Variants in HS6ST2 observed in about 807,000 individuals in gnomAD.
HS6ST2 encodes the protein heparan-sulfate 6-O-sulfotransferase 2.
HS6ST2 carries 17 observed loss-of-function variants against 33.0 expected under a neutral mutation model. The ratio of observed to expected loss-of-function variants is 0.52; its 90% CI spans 0.35 to 0.77. The LOEUF is 0.77. Among genes scored for constraint, HS6ST2 ranks in the 30% least tolerant of loss-of-function variants. The pLI is 0.01. For synonymous variants in HS6ST2, 248 were observed against 237.1 expected (o/e 1.05, Z -0.42); for missense variants, 519 against 551.7 (o/e 0.94, Z 0.59).
At chrX:132,933,646 A>C in intron 2 of HS6ST2, among the ~76,000 whole-genome samples, 1 of 111,787 alleles carries the variant, frequency 8.9e-6, no homozygotes, top group Admixed American at 9.5e-5. Flanking sequence ...GGATAACCAA[A>C]AAGAGATCCT....
At chrX:132,840,643 C>T (rs1282070284) in intron 2 of HS6ST2, among the ~76,000 whole-genome samples, 1 of 111,622 alleles carries the variant, frequency 9.0e-6, no homozygotes, top group African/African-American at 3.3e-5. Context: ...CACTCTATTT[C>T]TCCTTTCCTT....
chrX:132,745,361 A>T (rs2064627926), intron 2 of HS6ST2, among the ~76,000 whole-genome samples: 1 of 112,228 alleles, frequency 8.9e-6, no homozygotes, highest in African/African-American at 3.2e-5. Flanking sequence ...CTGGGATTAC[A>T]GGCGTGAGCC....
chrX:132,769,642 C>T (rs2064878228), intron 2 of HS6ST2, among the ~76,000 whole-genome samples: 1 of 112,425 alleles, frequency 8.9e-6, no homozygotes, highest in Non-Finnish European at 1.9e-5. Context: ...TCACCCACTG[C>T]TAAAAAGCTT....
At chrX:132,937,551 C>T (rs1357472019) in intron 2 of HS6ST2, among the ~76,000 whole-genome samples, 1 of 111,563 alleles carries the variant, frequency 9.0e-6, no homozygotes, top group African/African-American at 3.3e-5. Flanking sequence ...TGTGTATTTA[C>T]ATCTAACTGA....
At chrX:132,815,654 T>G (rs978719855) in intron 2 of HS6ST2, among the ~76,000 whole-genome samples, 4 of 112,116 alleles carry the variant, frequency 3.6e-5, no homozygotes, top group Non-Finnish European at 7.5e-5. Flanking sequence ...TTTCCTCATA[T>G]GTGAAATGAG....
chrX:132,710,324 A>C (rs2064220609), intron 2 of HS6ST2, among the ~76,000 whole-genome samples: 1 of 112,019 alleles, frequency 8.9e-6, no homozygotes, highest in African/African-American at 3.2e-5. Flanking sequence ...TTTTATGCAT[A>C]CACACACACA....
At position 132,670,868 on chromosome X, in the gene HS6ST2, T is replaced by G. The variant is rs186212158; in HGVS notation, c.981-1669A>C. ...GGGTATGAAAAGCAGCTCTTAGAAG[T>G]GGGAGATACCCATGTGAGCTCTGGC... On this transcript the variant is annotated intron_variant, in intron 3 of 4. Transcript: ENST00000370833. 6.2e-5 allele frequency among the ~76,000 whole-genome samples: 7 copies of G among 112,250 alleles called. No homozygotes were observed. In the East Asian group the frequency reaches 2.0e-3, roughly 32 times the overall value.
chrX:132,848,362 C>T (rs2065772050), intron 2 of HS6ST2, among the ~76,000 whole-genome samples: 1 of 112,534 alleles, frequency 8.9e-6, no homozygotes, highest in South Asian at 3.7e-4. Context: ...TGTCATAGGA[C>T]GAAGCTTGGC....
At chrX:132,787,055 A>G (rs1256543457) in intron 2 of HS6ST2, among the ~76,000 whole-genome samples, 1 of 102,430 alleles carries the variant, frequency 9.8e-6, no homozygotes, top group Non-Finnish European at 2.0e-5. Context: ...CATAAATCCC[A>G]AGCTGGGTCA....
At chrX:132,756,540 C>T (rs1224017800) in intron 2 of HS6ST2, among the ~76,000 whole-genome samples, 1 of 110,564 alleles carries the variant, frequency 9.0e-6, no homozygotes, top group African/African-American at 3.3e-5. Context: ...CTTGCTTTTG[C>T]TCGCCCAGCC....
chrX:132,860,541 C>T (rs1336592754), intron 2 of HS6ST2, among the ~76,000 whole-genome samples: 1 of 111,661 alleles, frequency 9.0e-6, no homozygotes, highest in African/African-American at 3.3e-5. Flanking sequence ...TGCTGCTCAT[C>T]AAAATGAGGA....
chrX:132,900,245 C>G (rs750041021), intron 2 of HS6ST2, among the ~76,000 whole-genome samples: 3 of 111,169 alleles, frequency 2.7e-5, no homozygotes, highest in Non-Finnish European at 5.7e-5. Flanking sequence ...GAATTCATTG[C>G]AAGGAGACCA....
At chrX:132,653,526 G>A (rs1262559943) in intron 4 of HS6ST2, among the ~76,000 whole-genome samples, 1 of 111,536 alleles carries the variant, frequency 9.0e-6, no homozygotes, top group Admixed American at 9.6e-5. Flanking sequence ...CGATTTGTTT[G>A]TACTTTAGTC....
intron 2 of HS6ST2, among the ~76,000 whole-genome samples, chrX:132,821,265 T>C (rs925112075): frequency 2.0e-5 from 2 of 98,297 alleles, no homozygotes; most frequent in African/African-American, 7.6e-5. Flanking sequence ...CAGGCTGGAG[T>C]GCAGTGGCGG....
upstream of HS6ST2, among the ~76,000 whole-genome samples, chrX:132,960,976 G>A (rs932424386): frequency 1.8e-5 from 2 of 109,875 alleles, no homozygotes; most frequent in Non-Finnish European, 3.8e-5. Context: ...ATGTTCTCCC[G>A]AGGCCAAGGC....
chrX:132,846,770 G>A (rs1173371847), intron 2 of HS6ST2, among the ~76,000 whole-genome samples: 1 of 110,324 alleles, frequency 9.1e-6, no homozygotes, highest in African/African-American at 3.3e-5. Flanking sequence ...GTGGTGCTTG[G>A]CTAAACTCTC....
intron 2 of HS6ST2, among the ~76,000 whole-genome samples, chrX:132,849,060 G>C (rs2065777792): frequency 8.9e-6 from 1 of 111,822 alleles, no homozygotes; most frequent in South Asian, 3.7e-4. Context: ...CATCATTAAT[G>C]ACTGATAAAG....
chrX:132,903,615 T>C (rs921770147), intron 2 of HS6ST2, among the ~76,000 whole-genome samples: 6 of 111,977 alleles, frequency 5.4e-5, no homozygotes, highest in Admixed American at 1.9e-4. Flanking sequence ...CTCATATTTT[T>C]AGTCAATGAT....
At chrX:132,660,911 A>ACAAT (rs1360944154) in intron 4 of HS6ST2, among the ~76,000 whole-genome samples, 2 of 112,081 alleles carry the variant, frequency 1.8e-5, no homozygotes, top group Non-Finnish European at 3.8e-5. Context: ...CAGGAAACTT[A>ACAAT]CAATCATGGT....
Sources: allele counts gnomAD v4.1 joint callset (sites outside exome capture counted in the v4.1 genomes callset), GRCh38; gene constraint gnomAD v4.1.1; transcripts MANE v1.5; gene names NCBI Gene and HGNC (gene_info 2026-07-23, HGNC 2026-07-21).